The following DLC1 variants were observed in gnomAD, a reference collection of about 807,000 sequenced individuals.
The protein encoded by DLC1 is rho GTPase-activating protein 7.
DLC1 carries 54 observed loss-of-function variants against 140.3 expected under a neutral mutation model. That is an observed-to-expected ratio of 0.38 (90% confidence interval 0.31 to 0.48). DLC1 has a LOEUF of 0.48. Among genes scored for constraint, DLC1 ranks in the 20% least tolerant of loss-of-function variants. The probability of loss-of-function intolerance (pLI) is 0.96; values close to 1 mark genes in which losing one functional copy is unlikely to be tolerated. For missense variants in DLC1, 2,536 were observed against 1,907.0 expected (o/e 1.33, Z -6.14); for synonymous variants, 986 against 728.1 (o/e 1.35, Z -5.70).
At chr8:13,215,172 G>A (rs751683364) in intron 5 of DLC1, among the ~76,000 whole-genome samples, 1 of 152,036 alleles carries the variant, frequency 6.6e-6, no homozygotes, top group African/African-American at 2.4e-5. Context: ...ATATCCTTAC[G>A]ATAGAGTAAA....
At chr8:13,197,261 G>A (rs1384941836) in intron 5 of DLC1, among the ~76,000 whole-genome samples, 1 of 152,122 alleles carries the variant, frequency 6.6e-6, no homozygotes, top group East Asian at 1.9e-4. Flanking sequence ...AACATAATTT[G>A]TTAATAGTAG....
chr8:13,261,291 G>T (rs1586026144), intron 5 of DLC1, among the ~76,000 whole-genome samples: 2 of 152,260 alleles, frequency 1.3e-5, no homozygotes, highest in African/African-American at 2.4e-5. Flanking sequence ...TCTGGGAAAA[G>T]AATTTTTCAA....
chr8:13,254,983 C>CTTT (rs549628779), intron 5 of DLC1, among the ~76,000 whole-genome samples: 4 of 149,634 alleles, frequency 2.7e-5, no homozygotes, highest in South Asian at 2.1e-4. Flanking sequence ...TTTCTTTTTT[C>CTTT]TTATTTTTTT....
chr8:13,408,403 G>A (rs1171841582), intron 2 of DLC1, among the ~76,000 whole-genome samples: 1 of 152,140 alleles, frequency 6.6e-6, no homozygotes, highest in Non-Finnish European at 1.5e-5. Context: ...ATTAAGACAT[G>A]TTGAAGAAAA....
At chr8:13,160,279 A>G (rs1218841269) in intron 5 of DLC1, 1 of 152,262 alleles carries the variant, frequency 6.6e-6, no homozygotes, top group Non-Finnish European at 1.5e-5. Context: ...ACTAGCCTAA[A>G]AAAATAAAAA....
At chr8:13,120,122 C>T (rs1820916677) in intron 5 of DLC1, among the ~76,000 whole-genome samples, 1 of 151,240 alleles carries the variant, frequency 6.6e-6, no homozygotes, top group Non-Finnish European at 1.5e-5. Flanking sequence ...GAAGGCAGAT[C>T]ATCTGAGCTC....
intron 1 of DLC1, among the ~76,000 whole-genome samples, chr8:13,560,550 A>G (rs952909185): frequency 2.0e-5 from 3 of 152,168 alleles, no homozygotes; most frequent in African/African-American, 7.2e-5. Context: ...GTCGACCCCA[A>G]AAGCAGATTG....
At chr8:13,148,718 G>C (rs1340353225) in intron 5 of DLC1, among the ~76,000 whole-genome samples, 1 of 152,086 alleles carries the variant, frequency 6.6e-6, no homozygotes, top group African/African-American at 2.4e-5. Flanking sequence ...TAGGCTCTAT[G>C]CTCTCCCTTC....
intron 1 of DLC1, among the ~76,000 whole-genome samples, chr8:13,512,474 A>C (rs987646487): frequency 2.0e-5 from 3 of 152,174 alleles, no homozygotes; most frequent in Non-Finnish European, 4.4e-5. Flanking sequence ...TCTACAATTA[A>C]ATGACTTTGT....
intron 1 of DLC1, among the ~76,000 whole-genome samples, chr8:13,591,545 C>A (rs1188349649): frequency 6.6e-6 from 1 of 152,084 alleles, no homozygotes; most frequent in South Asian, 2.1e-4. Context: ...TCAATTAAAC[C>A]TCTTTTCTTC....
chr8:13,584,721 T>A (rs1392423293), intron 1 of DLC1, among the ~76,000 whole-genome samples: 2 of 152,092 alleles, frequency 1.3e-5, no homozygotes, highest in Non-Finnish European at 2.9e-5. Context: ...CACATTGAGA[T>A]GTGATGAGGG....
At chr8:13,439,049 G>A (rs1021175868) in intron 2 of DLC1, among the ~76,000 whole-genome samples, 3 of 152,064 alleles carry the variant, frequency 2.0e-5, no homozygotes, top group Non-Finnish European at 4.4e-5. Context: ...GGCAGAGGCC[G>A]AGCACAGTGG....
At chr8:13,297,282 T>TAAAAAAAAAAA (rs60048506) in intron 5 of DLC1, among the ~76,000 whole-genome samples, 343 of 9,616 alleles carry the variant, frequency 0.036, 110 homozygotes, top group African/African-American at 0.11. Context: ...CTTCATACAT[T>TAAAAAAAAAAA]AAAAAAAAAA....
intron 4 of DLC1, among the ~76,000 whole-genome samples, chr8:13,315,268 A>G (rs760339989): frequency 1.3e-5 from 2 of 152,204 alleles, no homozygotes; most frequent in Non-Finnish European, 1.5e-5. Context: ...ACATATATAC[A>G]TACATGTTAA....
chr8:13,375,130 C>T (rs1393140970), intron 4 of DLC1, among the ~76,000 whole-genome samples: 1 of 151,280 alleles, frequency 6.6e-6, no homozygotes, highest in Non-Finnish European at 1.5e-5. Flanking sequence ...CGGCTTCACG[C>T]CATTCTCCTG....
intron 1 of DLC1, chr8:13,536,267 A>ATT (rs1803280555): frequency 6.6e-6 from 1 of 152,266 alleles, no homozygotes; most frequent in Non-Finnish European, 1.5e-5. Flanking sequence ...GACAAATAAC[A>ATT]GTAGGAGATT....
chr8:13,251,277 A>G (rs190632364), intron 5 of DLC1, among the ~76,000 whole-genome samples: 80 of 152,304 alleles, frequency 5.3e-4, no homozygotes, highest in African/African-American at 1.7e-3. Flanking sequence ...CATCGGGGTT[A>G]GAGCTTTAAC....
At chr8:13,311,909 G>A (rs1832676214) in intron 4 of DLC1, among the ~76,000 whole-genome samples, 1 of 152,092 alleles carries the variant, frequency 6.6e-6, no homozygotes, top group Non-Finnish European at 1.5e-5. Flanking sequence ...TAAAGCTGGT[G>A]ACTCTGTCTT....
chr8:13,466,241 G>T (rs543397212), intron 2 of DLC1, among the ~76,000 whole-genome samples: 6 of 152,162 alleles, frequency 3.9e-5, no homozygotes, highest in Admixed American at 3.9e-4. Flanking sequence ...TCTCTCTCTT[G>T]CTACCTACCT....
Sources: allele counts gnomAD v4.1 joint callset (sites outside exome capture counted in the v4.1 genomes callset), GRCh38; gene constraint gnomAD v4.1.1; transcripts MANE v1.5; gene names NCBI Gene and HGNC (gene_info 2026-07-23, HGNC 2026-07-21).